COMMD1: variants seen among roughly 807,000 people sequenced by gnomAD.
COMMD1 encodes the protein copper metabolism domain containing 1.
In COMMD1, 10 loss-of-function variants were observed where a neutral mutation model predicts 17.2. That is an observed-to-expected ratio of 0.58 (90% CI 0.36 to 0.99). COMMD1 has a LOEUF of 0.99. Ranked by LOEUF, COMMD1 falls within the 50% of genes least tolerant of loss-of-function variation. The pLI is 0.01. For synonymous variants in COMMD1, 97 were observed against 91.6 expected (o/e 1.06, Z -0.34); for missense variants, 270 against 231.8 (o/e 1.17, Z -1.07).
chr2:61,913,796 C>CAA (rs1164297104), intron 1 of COMMD1, among the ~76,000 whole-genome samples: 9 of 14,498 alleles, frequency 6.2e-4, no homozygotes, highest in African/African-American at 1.0e-3. Flanking sequence ...ACTCCATCTC[C>CAA]AAAAAAAAAA....
intron 1 of COMMD1, among the ~76,000 whole-genome samples, chr2:61,893,540 G>A (rs886189840): frequency 2.0e-5 from 3 of 152,184 alleles, no homozygotes; most frequent in Middle Eastern, 3.4e-3. Flanking sequence ...CAGGCCGGGC[G>A]CCTTGGCTCA....
At chr2:62,031,683 A>G (rs1267373863) in intron 2 of COMMD1, among the ~76,000 whole-genome samples, 3 of 152,186 alleles carry the variant, frequency 2.0e-5, no homozygotes, top group East Asian at 3.8e-4. Context: ...ACTTGTTTTC[A>G]TGATGCTAGA....
intron 1 of COMMD1, among the ~76,000 whole-genome samples, chr2:61,914,816 G>A (rs143774878): frequency 0.012 from 1,844 of 150,870 alleles, 11 homozygotes; most frequent in Middle Eastern, 0.024. Context: ...TCAGCCACCC[G>A]AGTGGCTGGG....
At chr2:62,033,872 G>C (rs1222836838) in intron 2 of COMMD1, among the ~76,000 whole-genome samples, 1 of 152,042 alleles carries the variant, frequency 6.6e-6, no homozygotes, top group East Asian at 1.9e-4. Flanking sequence ...CCCTTTGGGA[G>C]ACCGAGGCAG....
At chr2:61,972,704 C>A (rs1376288002) in intron 1 of COMMD1, among the ~76,000 whole-genome samples, 2 of 152,186 alleles carry the variant, frequency 1.3e-5, no homozygotes, top group East Asian at 1.9e-4. Context: ...AACTGAGGGA[C>A]CTTCTACAAA....
intron 2 of COMMD1, among the ~76,000 whole-genome samples, chr2:62,034,279 A>C (rs919925023): frequency 6.6e-6 from 1 of 151,862 alleles, no homozygotes; most frequent in African/African-American, 2.4e-5. Context: ...AGGTGGGTGG[A>C]TCACCTGAGG....
At chr2:62,004,615 T>C (rs1359900577) in intron 2 of COMMD1, among the ~76,000 whole-genome samples, 1 of 152,176 alleles carries the variant, frequency 6.6e-6, no homozygotes, top group East Asian at 1.9e-4. Context: ...AAAATCCTTT[T>C]TAATACAAAT....
chr2:62,066,879 C>T (rs1254904132), intron 2 of COMMD1, among the ~76,000 whole-genome samples: 1 of 151,654 alleles, frequency 6.6e-6, no homozygotes, highest in Non-Finnish European at 1.5e-5. Flanking sequence ...ATGTGCACCA[C>T]CATGCCTGGC....
chr2:62,067,556 A>G (rs950696911), intron 2 of COMMD1, among the ~76,000 whole-genome samples: 2 of 152,260 alleles, frequency 1.3e-5, no homozygotes, highest in Admixed American at 1.3e-4. Context: ...TTAGTTTTAC[A>G]TGACATGGAA....
At chr2:61,954,109 T>C (rs1436068697) in intron 1 of COMMD1, among the ~76,000 whole-genome samples, 1 of 151,970 alleles carries the variant, frequency 6.6e-6, no homozygotes, top group Non-Finnish European at 1.5e-5. Context: ...CTTGGGAGGC[T>C]GAGGCAGGAG....
intron 1 of COMMD1, among the ~76,000 whole-genome samples, chr2:61,988,719 C>T (rs1672168546): frequency 2.6e-5 from 4 of 152,172 alleles, no homozygotes; most frequent in African/African-American, 9.7e-5. Flanking sequence ...GATCCTAGCA[C>T]AGCTTTTAGA....
chr2:61,919,687 G>A (rs1670138921), intron 1 of COMMD1, among the ~76,000 whole-genome samples: 1 of 151,640 alleles, frequency 6.6e-6, no homozygotes, highest in Non-Finnish European at 1.5e-5. Context: ...CCTGAGTTTT[G>A]CTTCTTTTAA....
chr2:61,977,753 G>A (rs563645123), intron 1 of COMMD1, among the ~76,000 whole-genome samples: 3 of 152,012 alleles, frequency 2.0e-5, no homozygotes, highest in Admixed American at 6.6e-5. Flanking sequence ...TTGGGAGGCC[G>A]AGACAGGCCG....
chr2:62,052,326 T>TTAAA (rs771210065), intron 2 of COMMD1, among the ~76,000 whole-genome samples: 48 of 152,098 alleles, frequency 3.2e-4, no homozygotes, highest in Admixed American at 2.4e-3. Flanking sequence ...AACCTGGTAT[T>TTAAA]TAAATAAATA....
chr2:62,044,309 G>C (rs1449945), intron 2 of COMMD1, among the ~76,000 whole-genome samples: 1 of 152,100 alleles, frequency 6.6e-6, no homozygotes, highest in Non-Finnish European at 1.5e-5. Flanking sequence ...GTTAGTCTTC[G>C]TAACATTAGG....
intron 1 of COMMD1, among the ~76,000 whole-genome samples, chr2:61,926,791 T>C (rs1430236623): frequency 6.6e-6 from 1 of 152,100 alleles, no homozygotes; most frequent in Non-Finnish European, 1.5e-5. Context: ...GTTCTTCCTT[T>C]TATTCCCCCC....
chr2:61,983,083 G>C (rs1672000182), intron 1 of COMMD1, among the ~76,000 whole-genome samples: 1 of 151,986 alleles, frequency 6.6e-6, no homozygotes, highest in Non-Finnish European at 1.5e-5. Flanking sequence ...TTTTGGAATA[G>C]TTTGAGTAGG....
At chr2:62,036,544 G>A (rs1389763936) in intron 2 of COMMD1, among the ~76,000 whole-genome samples, 2 of 152,154 alleles carry the variant, frequency 1.3e-5, no homozygotes, top group Non-Finnish European at 2.9e-5. Context: ...CTAATGTATT[G>A]GATGGTATGT....
chr2:61,956,817 A>G (rs1352240418), intron 1 of COMMD1, among the ~76,000 whole-genome samples: 1 of 150,794 alleles, frequency 6.6e-6, no homozygotes, highest in African/African-American at 2.4e-5. Context: ...GTGGTGCGAT[A>G]TCAGCTCACT....
Sources: allele counts gnomAD v4.1 joint callset (sites outside exome capture counted in the v4.1 genomes callset), GRCh38; gene constraint gnomAD v4.1.1; transcripts MANE v1.5; gene names NCBI Gene and HGNC (gene_info 2026-07-23, HGNC 2026-07-21).